NKAIN3: variants seen among roughly 807,000 people sequenced by gnomAD.
The protein encoded by NKAIN3 is sodium/potassium-transporting ATPase subunit beta-1-interacting protein 3.
Under a neutral mutation model 30.2 loss-of-function variants are expected in NKAIN3, and 25 were observed. The observed-to-expected ratio is 0.83, with a 90% CI of 0.60 to 1.16. NKAIN3 has a LOEUF of 1.16. Among genes scored for constraint, NKAIN3 ranks in the 50% most tolerant of loss-of-function variants. The pLI, the probability that NKAIN3 is intolerant of heterozygous loss-of-function variation, is 0.00. For missense variants in NKAIN3, 225 were observed against 254.1 expected, an observed-to-expected ratio of 0.89 and a Z score of 0.78; for synonymous variants, 91 against 89.6, an observed-to-expected ratio of 1.02 and a Z score of -0.09.
intron 3 of NKAIN3, among the ~76,000 whole-genome samples, chr8:62,593,538 G>C (rs1170538836): frequency 6.6e-6 from 1 of 151,672 alleles, no homozygotes. Flanking sequence ...CATGTAGTAA[G>C]GTTGATCCAA....
chr8:62,536,949 G>A (rs1004246127), intron 1 of NKAIN3, among the ~76,000 whole-genome samples: 1 of 152,102 alleles, frequency 6.6e-6, no homozygotes, highest in African/African-American at 2.4e-5. Context: ...CTCCCATCAG[G>A]AGAGAAAAGA....
intron 1 of NKAIN3, among the ~76,000 whole-genome samples, chr8:62,345,873 G>A (rs920324074): frequency 1.3e-5 from 2 of 151,840 alleles, no homozygotes; most frequent in Non-Finnish European, 2.9e-5. Context: ...CATACACAAT[G>A]GAATACCATT....
Position 62,742,580 on chromosome 8 carries a change from A to T in NKAIN3, c.274-4352A>T, listed in dbSNP as rs74775045. ...TGCATAAATACAAATGCCATTGTTT[A>T]TATCTTTTTAACTCTAAAGACAAAA... On this transcript the variant is annotated intron_variant, in intron 3 of 6. Coordinates refer to ENST00000623646, the MANE Select transcript of NKAIN3 (RefSeq NM_001304533.3). 3.3e-3 allele frequency among the ~76,000 whole-genome samples: 510 copies of T among 152,286 alleles called. 5 individuals are homozygous for T. The highest frequency in any genetic ancestry group is 0.012 in the African/African-American group (483 of 41,568).
At chr8:62,488,960 G>A (rs1388608231) in intron 1 of NKAIN3, among the ~76,000 whole-genome samples, 1 of 152,102 alleles carries the variant, frequency 6.6e-6, no homozygotes, top group Non-Finnish European at 1.5e-5. Flanking sequence ...TAGCAAAATG[G>A]CAGGCGTGCT....
At chr8:62,526,704 C>A (rs1031971048) in intron 1 of NKAIN3, among the ~76,000 whole-genome samples, 2 of 152,226 alleles carry the variant, frequency 1.3e-5, no homozygotes, top group South Asian at 2.1e-4. Flanking sequence ...AAATGGACTT[C>A]ATTGCAGAAG....
At chr8:62,816,203 G>A (rs780515285) in intron 4 of NKAIN3, among the ~76,000 whole-genome samples, 39 of 152,160 alleles carry the variant, frequency 2.6e-4, no homozygotes, top group Admixed American at 9.2e-4. Flanking sequence ...TCCTGTAGAT[G>A]TGTCCTATGG....
At chr8:62,763,089 C>T (rs1234601865) in intron 4 of NKAIN3, among the ~76,000 whole-genome samples, 9 of 151,202 alleles carry the variant, frequency 6.0e-5, no homozygotes, top group South Asian at 2.1e-4. Context: ...GGCATGGTGG[C>T]GGGCGCCTGT....
At chr8:62,485,562 G>T (rs1379577671) in intron 1 of NKAIN3, among the ~76,000 whole-genome samples, 1 of 152,134 alleles carries the variant, frequency 6.6e-6, no homozygotes, top group African/African-American at 2.4e-5. Flanking sequence ...TTTATTTTAT[G>T]CCAAGAAGTT....
intron 1 of NKAIN3, among the ~76,000 whole-genome samples, chr8:62,322,595 A>C (rs539261765): frequency 1.3e-5 from 2 of 152,326 alleles, no homozygotes; most frequent in East Asian, 1.9e-4. Context: ...GATAAGGGAT[A>C]CTCAACCTGT....
At chr8:62,405,640 G>A (rs1267261625) in intron 1 of NKAIN3, among the ~76,000 whole-genome samples, 1 of 152,196 alleles carries the variant, frequency 6.6e-6, no homozygotes, top group East Asian at 1.9e-4. Flanking sequence ...GGTGGTAGTG[G>A]TGTGGGGGTG....
In NKAIN3 at chr8:62,982,515, G is replaced by C. The variant is rs1454932531; in HGVS notation, c.*17108G>C. The C allele has an allele frequency of 6.6e-6, 1 of 152,152 alleles. No individual in the cohort carries two copies. Among genetic ancestry groups the C allele is most frequent in the Non-Finnish European group, 1.5e-5 (1 of 68,028 alleles). 9.4% of individuals were successfully genotyped at this position (152,152 alleles called of 1,614,324 possible). ...GCCTCTCCTTCCAAAATGGCTAAAA[G>C]GGCAAAGCGTCAGTAATTCTGTAGA... On this transcript the variant is annotated 3_prime_UTR_variant, in exon 7 of 7. Coordinates refer to ENST00000623646, the MANE Select transcript of NKAIN3 (RefSeq NM_001304533.3).
Position 62,983,945 on chromosome 8 carries a change from G to A in NKAIN3, c.*18538G>A, listed in dbSNP as rs77370863. The A allele has an allele frequency of 5.8e-4, 88 of 152,258 alleles. No homozygotes were observed. The highest frequency in any genetic ancestry group is 1.9e-3 in the South Asian group (9 of 4,824). 9.4% of individuals were successfully genotyped at this position (152,258 alleles called of 1,614,324 possible). A position where few individuals can be genotyped will look rare whatever the true frequency, so the allele number is the denominator to read the frequency against. On this transcript the variant is annotated 3_prime_UTR_variant, in exon 7 of 7. Coordinates refer to ENST00000623646, the MANE Select transcript of NKAIN3 (RefSeq NM_001304533.3). ...TTTGGACCCAGTTTGACTGGTTAGC[G>A]TTTAAATAAAACTTAACAGACTAGG...
At chr8:62,320,622 A>G (rs970484686) in intron 1 of NKAIN3, among the ~76,000 whole-genome samples, 33 of 152,096 alleles carry the variant, frequency 2.2e-4, no homozygotes, top group African/African-American at 7.0e-4. Context: ...GAAATTCTGG[A>G]TTGAAAATTC....
At chr8:62,837,270 C>T (rs933531748) in intron 4 of NKAIN3, among the ~76,000 whole-genome samples, 2 of 152,080 alleles carry the variant, frequency 1.3e-5, no homozygotes, top group Admixed American at 1.3e-4. Flanking sequence ...AACACTCTCT[C>T]CATTTCAGTT....
intron 4 of NKAIN3, among the ~76,000 whole-genome samples, chr8:62,804,435 C>T (rs992536773): frequency 1.3e-5 from 2 of 152,150 alleles, no homozygotes; most frequent in African/African-American, 4.8e-5. Context: ...AGCAGCACAT[C>T]AAAAAGTTTA....
At chr8:62,473,287 A>G (rs1585846992) in intron 1 of NKAIN3, 1 of 152,110 alleles carries the variant, frequency 6.6e-6, no homozygotes, top group South Asian at 2.1e-4. Flanking sequence ...TTAAAAGTCT[A>G]TTGCTTGAGA....
chr8:62,666,386 C>A (rs996236141), intron 3 of NKAIN3, among the ~76,000 whole-genome samples: 2 of 152,016 alleles, frequency 1.3e-5, no homozygotes, highest in Non-Finnish European at 2.9e-5. Context: ...ACAGAATTAT[C>A]TTTATATCCA....
chr8:62,619,637 G>A (rs1485112538), intron 3 of NKAIN3, among the ~76,000 whole-genome samples: 1 of 151,360 alleles, frequency 6.6e-6, no homozygotes, highest in Non-Finnish European at 1.5e-5. Flanking sequence ...TGTCTCCTGA[G>A]GCCTGTGTCA....
At chr8:62,602,555 T>C (rs1019364799) in intron 3 of NKAIN3, among the ~76,000 whole-genome samples, 3 of 152,080 alleles carry the variant, frequency 2.0e-5, no homozygotes, top group Non-Finnish European at 4.4e-5. Flanking sequence ...TATGACAACA[T>C]TGGTCATAAA....
Sources: gnomAD v4.1 joint callset for allele counts (sites outside exome capture counted in the v4.1 genomes callset) on GRCh38, gnomAD v4.1.1 for gene constraint, MANE v1.5 for transcripts, NCBI Gene and HGNC (gene_info 2026-07-23, HGNC 2026-07-21) for gene names.